The following FSHR variants were observed in gnomAD, a reference collection of about 807,000 sequenced individuals.
FSHR encodes follicle-stimulating hormone receptor.
FSHR carries 46 observed loss-of-function variants against 52.1 expected under a neutral mutation model. That is an observed-to-expected ratio of 0.88 (90% confidence interval 0.70 to 1.13). FSHR has a LOEUF of 1.13. FSHR is among the 50% of genes most tolerant of loss of function. The probability of loss-of-function intolerance (pLI) is 0.00; values close to 1 mark genes in which losing one functional copy is unlikely to be tolerated. For synonymous variants in FSHR, 399 were observed against 309.6 expected, an observed-to-expected ratio of 1.29 and a Z score of -3.03; for missense variants, 964 against 834.6, an observed-to-expected ratio of 1.16 and a Z score of -1.91.
At chr2:49,091,875 CA>C in intron 1 of FSHR, among the ~76,000 whole-genome samples, 1 of 152,266 alleles carries the variant, frequency 6.6e-6, no homozygotes, top group Non-Finnish European at 1.5e-5. Context: ...TTTACCTTTT[CA>C]TATAAATTTT....
chr2:49,054,612 C>T (rs566264674), intron 2 of FSHR, among the ~76,000 whole-genome samples: 1 of 152,200 alleles, frequency 6.6e-6, no homozygotes, highest in African/African-American at 2.4e-5. Flanking sequence ...GCCACATGGC[C>T]CCAACCCCAG....
chr2:48,968,987 G>A (rs1674610383), intron 8 of FSHR, 104 bp from the exon 9 acceptor site: 6 of 1,040,500 alleles, frequency 5.8e-6, no homozygotes, highest in East Asian at 5.1e-5. Context: ...ATTCTTACAT[G>A]GATGAGGAGA....
intron 2 of FSHR, among the ~76,000 whole-genome samples, chr2:49,021,834 TCTC>T (rs1558395131): frequency 0.019 from 464 of 24,070 alleles, 8 homozygotes; most frequent in East Asian, 0.035. Flanking sequence ...TATGTGTTTC[TCTC>T]TCTCTCTCTC....
intron 1 of FSHR, among the ~76,000 whole-genome samples, chr2:49,141,453 G>C (rs141845052): frequency 6.7e-4 from 102 of 152,176 alleles, no homozygotes; most frequent in African/African-American, 2.3e-3. Context: ...GCAGGAGCAA[G>C]GTAGTGGGGA....
chr2:48,963,704 T>C lies in FSHR; in HGVS notation c.1117A>G (p.Ser373Gly). ...ATGTTCCCAGTGATGGCCAGGATGC[T>C]GATAAACCATATCAGGACTCTGAGG... ...NILRVLIWFI[S>G]ILAITGNIIV... Residue 373 changes from serine to glycine, a missense_variant, in exon 10 of 10, where the codon AGC becomes GGC. Transcript: ENST00000406846. 2 of 1,614,216 alleles carry C rather than the reference T, an allele frequency of 1.2e-6. No individual in the cohort carries two copies. Among genetic ancestry groups the C allele is most frequent in the Non-Finnish European group, 1.7e-6 (2 of 1,180,024 alleles).
intron 9 of FSHR, among the ~76,000 whole-genome samples, chr2:48,964,300 C>T (rs1054638847): frequency 6.6e-6 from 1 of 152,164 alleles, no homozygotes; most frequent in Non-Finnish European, 1.5e-5. Context: ...CCTTTTCCTT[C>T]TCCCATCTTG....
chr2:48,989,100 C>T (rs1345413234), intron 5 of FSHR, 46 bp from the exon 6 acceptor site: 3 of 1,479,776 alleles, frequency 2.0e-6, no homozygotes, highest in Non-Finnish European at 2.8e-6. Flanking sequence ...CAGCTCTACT[C>T]ATGTAACCTT....
At chr2:48,972,078 A>G (rs753760703) in intron 8 of FSHR, among the ~76,000 whole-genome samples, 1 of 152,136 alleles carries the variant, frequency 6.6e-6, no homozygotes, top group Non-Finnish European at 1.5e-5. Flanking sequence ...CCTCCTTATA[A>G]TCTCCACTTA....
At chr2:49,013,128 C>A (rs1020211665) in intron 4 of FSHR, among the ~76,000 whole-genome samples, 1 of 151,154 alleles carries the variant, frequency 6.6e-6, no homozygotes, top group Non-Finnish European at 1.5e-5. Flanking sequence ...TCTTCCCCCC[C>A]CACCCCCACT....
intron 2 of FSHR, among the ~76,000 whole-genome samples, chr2:49,052,354 G>C (rs1000072219): frequency 6.6e-6 from 1 of 151,830 alleles, no homozygotes; most frequent in East Asian, 1.9e-4. Flanking sequence ...ACAACATGTA[G>C]ATGATACACT....
chr2:49,028,769 G>A (rs935753085), intron 2 of FSHR, among the ~76,000 whole-genome samples: 1 of 152,160 alleles, frequency 6.6e-6, no homozygotes, highest in Non-Finnish European at 1.5e-5. Context: ...GTTGGTTGGA[G>A]GTGCCCAGAA....
At chr2:49,059,019 G>A (rs1669182314) in intron 2 of FSHR, among the ~76,000 whole-genome samples, 1 of 151,966 alleles carries the variant, frequency 6.6e-6, no homozygotes, top group African/African-American at 2.4e-5. Flanking sequence ...GAGCAGCCTG[G>A]GCAACATAAT....
chr2:48,969,532 C>G lies in FSHR; in HGVS notation c.669-649G>C, dbSNP rs141042984. On this transcript the variant is annotated intron_variant, in intron 8 of 9. Transcript: ENST00000406846. ...TCACTTCTCCATGTTTCAGTTTCCT[C>G]AGCTGTAAAATGGGAAGACAAAAAT... 9.7e-3 allele frequency among the ~76,000 whole-genome samples: 1,476 copies of G among 152,002 alleles called. 23 individuals carry two copies. Among genetic ancestry groups the G allele is most frequent in the Middle Eastern group, 0.041 (12 of 294 alleles).
chr2:48,986,493 T>C (rs1162351602), intron 6 of FSHR, among the ~76,000 whole-genome samples: 1 of 150,202 alleles, frequency 6.7e-6, no homozygotes, highest in Non-Finnish European at 1.5e-5. Flanking sequence ...GAGACTTAAG[T>C]TGTGTTAAGT....
chr2:48,983,123 A>G lies in FSHR; in HGVS notation c.568T>C (p.Phe190Leu), dbSNP rs761234323. The stretch of plus-strand genomic sequence containing the variant: ...AGCTCATCTAGTTGGGTTCCATTGA[A>G]TGCACAGTTGTGTATTTCTTGAATC... ...NGIQEIHNCA[F>L]NGTQLDELNL... The change falls in exon 7 of 10, where the codon TTC (phenylalanine) becomes CTC (leucine). Residue 190 changes from phenylalanine (F) to leucine (L), a missense_variant. Physicochemically the swap from Phe to Leu is conservative, Grantham distance 22. Transcript: ENST00000406846. The G allele has an allele frequency of 5.0e-6, 8 of 1,614,008 alleles. No individual in the cohort carries two copies. The African/African-American group carries it at 1.1e-4, about 22-fold the overall frequency.
rs186013557 is a variant in FSHR, at chr2:49,042,197, A to G, written c.225-22037T>C. Among the ~76,000 whole-genome samples the G allele has an allele frequency of 2.5e-4, 38 of 152,312 alleles. No homozygotes were observed. The East Asian group carries it at 7.1e-3, about 29-fold the overall frequency. On this transcript the variant is annotated intron_variant, in intron 2 of 9. Coordinates refer to ENST00000406846, the MANE Select transcript of FSHR (RefSeq NM_000145.4). The stretch of plus-strand genomic sequence containing the variant: ...ATTCTTCCATATCATATTGCATACT[A>G]TGGAGTCCAGAGATGCTTTTGAAAA...
chr2:48,990,700 C>T (rs1013345621), intron 4 of FSHR, 63 bp from the exon 5 acceptor site: 24 of 967,954 alleles, frequency 2.5e-5, no homozygotes, highest in Admixed American at 1.7e-4. Context: ...GTTGTTAGAG[C>T]ATGAACTTTC....
intron 2 of FSHR, among the ~76,000 whole-genome samples, chr2:49,064,580 A>G (rs896915555): frequency 2.0e-5 from 3 of 152,158 alleles, no homozygotes; most frequent in African/African-American, 2.4e-5. Context: ...CTTGTAAATT[A>G]TCTAGTCTGC....
At chr2:49,144,425 G>A (rs769644799) in intron 1 of FSHR, among the ~76,000 whole-genome samples, 4 of 152,050 alleles carry the variant, frequency 2.6e-5, no homozygotes, top group Non-Finnish European at 5.9e-5. Flanking sequence ...TTGTTTGGGG[G>A]AATGAGATGC....
Sources: gnomAD v4.1 joint callset for allele counts (sites outside exome capture counted in the v4.1 genomes callset) on GRCh38, gnomAD v4.1.1 for gene constraint, MANE v1.5 for transcripts, NCBI Gene and HGNC (gene_info 2026-07-23, HGNC 2026-07-21) for gene names.